The following DNAJA2 variants were observed in gnomAD, a reference collection of about 807,000 sequenced individuals.
DNAJA2 encodes the protein dnaJ homolog subfamily A member 2.
Under a neutral mutation model 49.3 loss-of-function variants are expected in DNAJA2, and 6 were observed. The observed-to-expected ratio is 0.12, with a 90% CI of 0.07 to 0.24. The LOEUF (loss-of-function observed/expected upper bound fraction) is 0.24, where lower values mean the gene tolerates loss of function less well. Ranked by LOEUF, DNAJA2 falls within the 10% of genes least tolerant of loss-of-function variation. The pLI is 1.00. For missense variants in DNAJA2, 347 were observed against 516.8 expected, an observed-to-expected ratio of 0.67 and a Z score of 3.19; for synonymous variants, 160 against 172.7, an observed-to-expected ratio of 0.93 and a Z score of 0.58.
intron 2 of DNAJA2, 118 bp downstream of exon 2, chr16:46,971,778 G>T (rs1244817692): frequency 2.0e-6 from 2 of 995,606 alleles, no homozygotes; most frequent in Non-Finnish European, 3.1e-6. Context: ...TTGACATTAT[G>T]AAAATGTGGC....
chr16:46,958,123 A>G (rs1426478196), intron 8 of DNAJA2, among the ~76,000 whole-genome samples: 1 of 152,106 alleles, frequency 6.6e-6, no homozygotes, highest in Non-Finnish European at 1.5e-5. Flanking sequence ...GCTTGAGACC[A>G]GTCTGGACAA....
At chr16:46,957,649 CTAAG>C (rs2143638610) in intron 8 of DNAJA2, among the ~76,000 whole-genome samples, 1 of 152,018 alleles carries the variant, frequency 6.6e-6, no homozygotes, top group African/African-American at 2.4e-5. Flanking sequence ...ACTTTGAACT[CTAAG>C]TAAAAGATCA....
intron 2 of DNAJA2, 32 bp downstream of exon 2, chr16:46,971,864 C>G: frequency 6.3e-7 from 1 of 1,576,974 alleles, no homozygotes; most frequent in Non-Finnish European, 8.7e-7. Flanking sequence ...AAAGCTAAAA[C>G]CCCCGGAATA....
intron 4 of DNAJA2, among the ~76,000 whole-genome samples, 170 bp from the exon 5 acceptor site, chr16:46,967,816 T>C (rs1405929005): frequency 1.3e-5 from 2 of 152,148 alleles, no homozygotes; most frequent in African/African-American, 4.8e-5. Flanking sequence ...TACTTATTTA[T>C]TGAGATGGAG....
At chr16:46,973,320 G>C (rs1361043187) in intron 1 of DNAJA2, among the ~76,000 whole-genome samples, 175 bp downstream of exon 1, 4 of 150,930 alleles carry the variant, frequency 2.7e-5, no homozygotes, top group East Asian at 3.9e-4. Flanking sequence ...AGCCGAGGCC[G>C]GAGTGCGCGG....
intron 6 of DNAJA2, among the ~76,000 whole-genome samples, chr16:46,959,772 AG>A (rs1484586013): frequency 1.3e-5 from 2 of 152,354 alleles, no homozygotes; most frequent in East Asian, 3.9e-4. Flanking sequence ...CCTACAGAAC[AG>A]GCTCACCCTG....
chr16:46,960,388 T>C (rs1961878386), intron 6 of DNAJA2, among the ~76,000 whole-genome samples: 1 of 152,174 alleles, frequency 6.6e-6, no homozygotes. Flanking sequence ...GTGCTAAAGT[T>C]TGAGATCCAA....
chr16:46,972,732 T>C (rs1962071846), intron 1 of DNAJA2: 1 of 152,248 alleles, frequency 6.6e-6, no homozygotes, highest in South Asian at 2.1e-4. Context: ...AAATGCCTCG[T>C]GTGCTTTGAA....
Position 46,965,519 on chromosome 16 carries a change from G to A in DNAJA2, c.578-712C>T, listed in dbSNP as rs532391121. ...ACAGTACTTGTGCAAAGTATGTTCT[G>A]CAAAACACGTTCTTCAAAATGGTAA... On this transcript the variant is annotated intron_variant, in intron 5 of 8. Transcript: ENST00000317089. 1.1e-4 allele frequency among the ~76,000 whole-genome samples: 16 copies of A among 152,254 alleles called. 1 individual carries two copies. In the South Asian group the frequency reaches 3.1e-3, roughly 30 times the overall value.
rs539419039 is a variant in DNAJA2, at chr16:46,960,053, T to C, written c.775-634A>G. Reference sequence around the variant, plus strand: ...GCCTTCAATGTGTAGGAAAAATACATCCAACTTCACACGCCCAACCTGCAA... The same window carrying C: ...GCCTTCAATGTGTAGGAAAAATACACCCAACTTCACACGCCCAACCTGCAA... On this transcript the variant is annotated intron_variant, in intron 6 of 8. Transcript: ENST00000317089. Among the ~76,000 whole-genome samples, 3 of 152,312 alleles carry C rather than the reference T, an allele frequency of 2.0e-5. No homozygotes were observed. The Middle Eastern group carries it at 0.01, about 518-fold the overall frequency.
intron 6 of DNAJA2, among the ~76,000 whole-genome samples, chr16:46,960,054 C>T (rs1961873034): frequency 6.6e-6 from 1 of 152,226 alleles, no homozygotes; most frequent in African/African-American, 2.4e-5. Flanking sequence ...AAAAATACAT[C>T]CAACTTCACA....
intron 6 of DNAJA2, among the ~76,000 whole-genome samples, chr16:46,964,293 A>AC (rs1961938761): frequency 6.6e-6 from 1 of 152,030 alleles, no homozygotes; most frequent in African/African-American, 2.4e-5. Flanking sequence ...AATCACTTGA[A>AC]CCCGGGAGGC....
At chr16:46,970,567 T>C (rs1962028858) in intron 3 of DNAJA2, among the ~76,000 whole-genome samples, 1 of 148,210 alleles carries the variant, frequency 6.7e-6, no homozygotes, top group Non-Finnish European at 1.5e-5. Flanking sequence ...AAACCCTGTC[T>C]CTACTAAAAA....
intron 3 of DNAJA2, 78 bp downstream of exon 3, chr16:46,971,271 G>T: frequency 1.6e-6 from 2 of 1,289,004 alleles, no homozygotes; most frequent in South Asian, 1.4e-5. Context: ...CACTCTATGA[G>T]ATTTTTCATC....
At position 46,957,913 on chromosome 16, in the gene DNAJA2, A is replaced by G. The variant is rs569129640; in HGVS notation, c.1048-693T>C. Among the ~76,000 whole-genome samples the G allele has an allele frequency of 1.1e-3, 161 of 152,166 alleles. 1 individual carries two copies. Among genetic ancestry groups the G allele is most frequent in the Middle Eastern group, 0.01 (3 of 294 alleles). ...CCTCATCACCACCCACACCGGGTCT[A>G]CTTTACTCCTCTACAATTCCCTGCT... On this transcript the variant is annotated intron_variant, in intron 8 of 8. Coordinates refer to ENST00000317089, the MANE Select transcript of DNAJA2 (RefSeq NM_005880.4).
chr16:46,959,021 G>C lies in DNAJA2; in HGVS notation c.1029C>G (p.Ile343Met). 6.2e-7 allele frequency: 1 copy of C among 1,601,924 alleles called. No homozygotes were observed. Among genetic ancestry groups the C allele is most frequent in the Non-Finnish European group, 8.5e-7 (1 of 1,176,606 alleles). ...FDVQFPENNW[I>M]NPDKLSELED... ...CACTTACAGAAAGCTTGTCTGGGTT[G>C]ATCCAGTTGTTTTCAGGAAACTGCA... is the stretch of plus-strand genomic sequence containing the variant. The change falls in exon 8 of 9, where the codon ATC (isoleucine) becomes ATG (methionine). Residue 343 changes from isoleucine to methionine, a missense_variant. Coordinates refer to ENST00000317089, the MANE Select transcript of DNAJA2 (RefSeq NM_005880.4).
chr16:46,955,889 A>G lies in DNAJA2; in HGVS notation c.*1140T>C, dbSNP rs983722078. 6.6e-5 allele frequency: 10 copies of G among 152,164 alleles called. No homozygotes were observed. The highest frequency in any genetic ancestry group is 3.8e-4 in the East Asian group (2 of 5,196). The allele number at this position is 152,164 out of a possible 1,614,324, so 9.4% of individuals were successfully genotyped here. ...TGCTTATTTTTAGTTTGAAATATAA[A>G]TAACTACAACAATGCATATTTCAGT... On this transcript the variant is annotated 3_prime_UTR_variant, in exon 9 of 9. Coordinates refer to ENST00000317089, the MANE Select transcript of DNAJA2 (RefSeq NM_005880.4).
At chr16:46,959,242 T>C in intron 7 of DNAJA2, 33 bp downstream of exon 7, 1 of 1,584,784 alleles carries the variant, frequency 6.3e-7, no homozygotes, top group South Asian at 1.1e-5. Flanking sequence ...CAAAAATACT[T>C]GAAAACCAGA....
chr16:46,969,054 G>C (rs955930411), intron 3 of DNAJA2, among the ~76,000 whole-genome samples: 3 of 152,072 alleles, frequency 2.0e-5, no homozygotes, highest in Non-Finnish European at 4.4e-5. Context: ...CTTATGTGTG[G>C]AGTTTTCTAC....
Sources: gnomAD v4.1 joint callset for allele counts (sites outside exome capture counted in the v4.1 genomes callset) on GRCh38, gnomAD v4.1.1 for gene constraint, MANE v1.5 for transcripts, NCBI Gene and HGNC (gene_info 2026-07-23, HGNC 2026-07-21) for gene names.